Variants in ITGB8 observed in about 807,000 individuals in gnomAD.
The protein encoded by ITGB8 is integrin beta-8.
ITGB8 carries 30 observed loss-of-function variants against 89.5 expected under a neutral mutation model. That is an observed-to-expected ratio of 0.34 (90% CI 0.25 to 0.45). The LOEUF (loss-of-function observed/expected upper bound fraction) is 0.45, where lower values mean the gene tolerates loss of function less well. ITGB8 is among the 20% of genes least tolerant of loss of function. The pLI is 1.00. For synonymous variants in ITGB8, 335 were observed against 320.4 expected, an observed-to-expected ratio of 1.05 and a Z score of -0.49; for missense variants, 836 against 933.3, an observed-to-expected ratio of 0.90 and a Z score of 1.36.
rs1005697827 is a variant in ITGB8 at position 20,398,805 on chromosome 7, G to A, written c.1147-55G>A. ...GATTTAATAAGCTTGACTCTGCTTT[G>A]TTGCTGACATTTGAAACTACTCTCG... On this transcript the variant is annotated intron_variant, in intron 8 of 13. Transcript: ENST00000222573. 6 of 1,305,784 alleles carry A rather than the reference G, an allele frequency of 4.6e-6. No individual in the cohort carries two copies. The African/African-American group carries it at 9.1e-5, about 20-fold the overall frequency. 80.9% of individuals were successfully genotyped at this position (1,305,784 alleles called of 1,614,324 possible).
At chr7:20,402,937 G>A (rs1787373633) in intron 10 of ITGB8, among the ~76,000 whole-genome samples, 1 of 152,110 alleles carries the variant, frequency 6.6e-6, no homozygotes, top group South Asian at 2.1e-4. Context: ...ATTTTCCTGT[G>A]ACAATGTGCT....
At chr7:20,357,673 T>C (rs1007132001) in intron 1 of ITGB8, among the ~76,000 whole-genome samples, 2 of 152,232 alleles carry the variant, frequency 1.3e-5, no homozygotes, top group Non-Finnish European at 2.9e-5. Context: ...GTTAGCCCTT[T>C]GTTACTGCGG....
chr7:20,375,610 C>T (rs1786108747), intron 3 of ITGB8, among the ~76,000 whole-genome samples: 2 of 152,092 alleles, frequency 1.3e-5, no homozygotes, highest in African/African-American at 2.4e-5. Context: ...AAGAAAGATA[C>T]CAGAAATTTA....
Position 20,331,416 on chromosome 7 carries a change from C to T in ITGB8, c.-391C>T, listed in dbSNP as rs1380688947. Reference sequence around the variant, plus strand: ...TTTGTTTGGGTTTGATTGTGTTTGGCTCTTCGCTAAGCTGATTTATGCAGC... The same window carrying T: ...TTTGTTTGGGTTTGATTGTGTTTGGTTCTTCGCTAAGCTGATTTATGCAGC... On this transcript the variant is annotated 5_prime_UTR_variant, in exon 1 of 14. Coordinates refer to ENST00000222573, the MANE Select transcript of ITGB8 (RefSeq NM_002214.3). The T allele has an allele frequency of 7.5e-6, 3 of 401,420 alleles. No individual in the cohort carries two copies. The highest frequency in any genetic ancestry group is 1.3e-5 in the Non-Finnish European group (3 of 229,016). 24.9% of individuals were successfully genotyped at this position (401,420 alleles called of 1,614,324 possible).
intron 2 of ITGB8, chr7:20,365,501 A>G (rs781281049): frequency 2.0e-5 from 3 of 152,250 alleles, no homozygotes; most frequent in Non-Finnish European, 4.4e-5. Context: ...TAAAATGGAA[A>G]TACAAATTGA....
chr7:20,401,769 G>A lies in ITGB8; in HGVS notation c.1330G>A (p.Gly444Arg), dbSNP rs766126562. ...AATGAAAAAATGTGATGTCACAGGA[G>A]GAAAAAACTATGCAATAATCAAACC... ...VTMKKCDVTG[G>R]KNYAIIKPIG... The change falls in exon 10 of 14, where the codon GGA (glycine) becomes AGA (arginine). Residue 444 changes from glycine to arginine, a missense_variant. Physicochemically the swap from Gly to Arg is moderately radical, Grantham distance 125. Transcript: ENST00000222573. 8.8e-6 allele frequency: 14 copies of A among 1,593,726 alleles called. No individual in the cohort carries two copies. The highest frequency in any genetic ancestry group is 4.1e-5 in the African/African-American group (3 of 73,616).
At chr7:20,359,027 G>A (rs1785400201) in intron 1 of ITGB8, among the ~76,000 whole-genome samples, 1 of 152,200 alleles carries the variant, frequency 6.6e-6, no homozygotes, top group African/African-American at 2.4e-5. Context: ...CCACTGTGCT[G>A]CAAAGGACAT....
chr7:20,386,170 C>T (rs2127967323), intron 6 of ITGB8, among the ~76,000 whole-genome samples: 1 of 152,038 alleles, frequency 6.6e-6, no homozygotes, highest in East Asian at 1.9e-4. Flanking sequence ...TCTTTTGGGG[C>T]ATCGAAAGAC....
rs531175187 is a variant in ITGB8, at chr7:20,363,787, TA to T, written c.213+67del. 4.0e-5 allele frequency: 36 copies of T among 909,468 alleles called. No individual in the cohort carries two copies. The South Asian group carries it at 7.3e-4, about 19-fold the overall frequency. The allele number at this position is 909,468 out of a possible 1,614,324, so 56.3% of individuals were successfully genotyped here. On this transcript the variant is annotated intron_variant, in intron 2 of 13. Transcript: ENST00000222573. Reference sequence around the variant, plus strand: ...GAGCTATAGCATGACTTCATTTTCCTAATATTCTGTGCCTTGAAGGTGCATC... The same window carrying T: ...GAGCTATAGCATGACTTCATTTTCCTATATTCTGTGCCTTGAAGGTGCATC...
At position 20,409,770 on chromosome 7, in the gene ITGB8, T is replaced by G. The variant is rs748576516; in HGVS notation, c.2179T>G (p.Ser727Ala). ...KSSSDYRVSA[S>A]KKDKLILQSV... is the part of the protein sequence containing the mutation. Reference sequence around the variant, plus strand: ...CTCATCAGATTACAGAGTGTCAGCCTCAAAAAAGGTCAGTGAATTCTAAAA... The same window carrying G: ...CTCATCAGATTACAGAGTGTCAGCCGCAAAAAAGGTCAGTGAATTCTAAAA... Residue 727 changes from serine to alanine, a missense_variant, in exon 13 of 14, where the codon TCA becomes GCA. This residue lies in a region of ITGB8 where 422 missense variants were observed against 416.9 expected (regional missense o/e 1.01). Coordinates refer to ENST00000222573, the MANE Select transcript of ITGB8 (RefSeq NM_002214.3). 10 of 1,612,606 alleles carry G rather than the reference T, an allele frequency of 6.2e-6. No homozygotes were observed. Among genetic ancestry groups the G allele is most frequent in the South Asian group, 5.5e-5 (5 of 90,666 alleles).
rs191695802 is a variant in ITGB8 at position 20,341,964 on chromosome 7, G to A, written c.127+10031G>A. Among the ~76,000 whole-genome samples the A allele has an allele frequency of 5.3e-5, 8 of 151,762 alleles. No homozygotes were observed. In the East Asian group the frequency reaches 1.4e-3, roughly 26 times the overall value. ...GTAGAAAAGTTGGGTCAGCCAGAACGATCATTGGATGTTACACTCCTCCTT... is the reference window on the plus strand; with the variant it reads ...GTAGAAAAGTTGGGTCAGCCAGAACAATCATTGGATGTTACACTCCTCCTT... On this transcript the variant is annotated intron_variant, in intron 1 of 13. Coordinates refer to ENST00000222573, the MANE Select transcript of ITGB8 (RefSeq NM_002214.3).
chr7:20,398,732 C>T (rs1367859128), intron 8 of ITGB8, 128 bp from the exon 9 acceptor site: 5 of 557,156 alleles, frequency 9.0e-6, no homozygotes, highest in African/African-American at 2.0e-5. Context: ...TTTATTCATC[C>T]TTTTATAGAA....
At chr7:20,351,732 AGTGTT>A (rs1198778095) in intron 1 of ITGB8, among the ~76,000 whole-genome samples, 3 of 152,208 alleles carry the variant, frequency 2.0e-5, no homozygotes, top group Admixed American at 2.0e-4. Flanking sequence ...TACAATATAG[AGTGTT>A]GCTTTGCTAC....
intron 1 of ITGB8, chr7:20,352,480 C>A (rs1466218306): frequency 6.6e-6 from 1 of 152,180 alleles, no homozygotes; most frequent in African/African-American, 2.4e-5. Flanking sequence ...CAGTTTCAAA[C>A]ACAAATGAAA....
intron 3 of ITGB8, among the ~76,000 whole-genome samples, chr7:20,373,882 C>G (rs1786030616): frequency 6.6e-6 from 1 of 152,156 alleles, no homozygotes; most frequent in Admixed American, 6.5e-5. Context: ...CCCAGTACAT[C>G]AGAGATGCTC....
intron 1 of ITGB8, among the ~76,000 whole-genome samples, chr7:20,339,942 C>T (rs1202720120): frequency 2.6e-5 from 4 of 152,274 alleles, no homozygotes; most frequent in East Asian, 1.9e-4. Context: ...GCAGGAGAAT[C>T]GCCTGAACCC....
At chr7:20,390,814 C>G (rs1010115564) in intron 6 of ITGB8, among the ~76,000 whole-genome samples, 3 of 152,012 alleles carry the variant, frequency 2.0e-5, no homozygotes, top group Non-Finnish European at 4.4e-5. Context: ...GAATTGAGAA[C>G]TTTTGTTGTA....
Position 20,331,400 on chromosome 7 carries a change from G to T in ITGB8, c.-407G>T. The T allele has an allele frequency of 2.5e-6, 1 of 399,524 alleles. No individual in the cohort carries two copies. The highest frequency in any genetic ancestry group is 4.4e-6 in the Non-Finnish European group (1 of 227,548). The allele number at this position is 399,524 out of a possible 1,614,324, so 24.7% of individuals were successfully genotyped here. A position where few individuals can be genotyped will look rare whatever the true frequency, so the allele number is the denominator to read the frequency against. ...CCCCCCAGCTTCGGGCTTTGTTTGG[G>T]TTTGATTGTGTTTGGCTCTTCGCTA... On this transcript the variant is annotated 5_prime_UTR_variant, in exon 1 of 14. Transcript: ENST00000222573.
At chr7:20,364,973 C>T (rs1037477604) in intron 2 of ITGB8, 2 of 152,138 alleles carry the variant, frequency 1.3e-5, no homozygotes, top group African/African-American at 4.8e-5. Flanking sequence ...CTGCTGAATG[C>T]TTTAGTGAGG....
Sources: gnomAD v4.1 joint callset for allele counts (sites outside exome capture counted in the v4.1 genomes callset) on GRCh38, gnomAD v4.1.1 for gene constraint, gnomAD v4.1.1 regional missense constraint, MANE v1.5 for transcripts, NCBI Gene and HGNC (gene_info 2026-07-23, HGNC 2026-07-21) for gene names.